The following ZBTB20 variants were observed in gnomAD, a reference collection of about 807,000 sequenced individuals.
The protein encoded by ZBTB20 is zinc finger and BTB domain-containing protein 20.
Under a neutral mutation model 56.9 loss-of-function variants are expected in ZBTB20, and 9 were observed. That is an observed-to-expected ratio of 0.16 (90% confidence interval 0.10 to 0.28). The LOEUF is 0.28. ZBTB20 is among the 10% of genes least tolerant of loss of function. The pLI is 1.00. For missense variants in ZBTB20, 655 were observed against 1,003.0 expected (o/e 0.65, Z 4.69); for synonymous variants, 417 against 420.7 (o/e 0.99, Z 0.11).
chr3:114,662,933 T>C (rs527566286), intron 6 of ZBTB20, among the ~76,000 whole-genome samples: 3 of 151,570 alleles, frequency 2.0e-5, no homozygotes, highest in Non-Finnish European at 2.9e-5. Flanking sequence ...GAAAGTGATG[T>C]GGAGAATGGA....
intron 5 of ZBTB20, among the ~76,000 whole-genome samples, chr3:114,749,116 T>C (rs2067347494): frequency 6.6e-6 from 1 of 152,188 alleles, no homozygotes; most frequent in Non-Finnish European, 1.5e-5. Context: ...GACAATAACA[T>C]GTCCTCCAAA....
chr3:114,704,346 T>G (rs2063580718), intron 5 of ZBTB20, among the ~76,000 whole-genome samples: 1 of 152,036 alleles, frequency 6.6e-6, no homozygotes, highest in Non-Finnish European at 1.5e-5. Context: ...ACAGTGCATC[T>G]GTTTCTCATA....
chr3:115,087,466 G>C (rs1446117779), intron 1 of ZBTB20, among the ~76,000 whole-genome samples: 1 of 151,776 alleles, frequency 6.6e-6, no homozygotes, highest in Non-Finnish European at 1.5e-5. Flanking sequence ...TTAATAACTA[G>C]CCTCTACACC....
At chr3:114,385,251 C>G (rs533528920) in intron 8 of ZBTB20, among the ~76,000 whole-genome samples, 1 of 152,256 alleles carries the variant, frequency 6.6e-6, no homozygotes, top group South Asian at 2.1e-4. Context: ...TTTTCCCCAA[C>G]AATACATTAA....
At chr3:114,734,966 T>C (rs990441307) in intron 5 of ZBTB20, among the ~76,000 whole-genome samples, 8 of 151,414 alleles carry the variant, frequency 5.3e-5, no homozygotes, top group South Asian at 4.2e-4. Flanking sequence ...AGAAAACTTA[T>C]GCAGATATGG....
Position 114,927,328 on chromosome 3 carries a change from C to T in ZBTB20, c.-455-26986G>A, listed in dbSNP as rs150709802. On this transcript the variant is annotated intron_variant, in intron 3 of 11. Coordinates refer to ENST00000675478, the MANE Select transcript of ZBTB20 (RefSeq NM_001348800.3). ...TCATCTTACATATGTTGATTGATGTCTCATGCCTCCCTAAAATGTATAAAA... is the reference window on the plus strand; with the variant it reads ...TCATCTTACATATGTTGATTGATGTTTCATGCCTCCCTAAAATGTATAAAA... Among the ~76,000 whole-genome samples, 380 of 152,294 alleles carry T rather than the reference C, an allele frequency of 2.5e-3. 2 individuals are homozygous for T. The highest frequency in any genetic ancestry group is 9.0e-3 in the African/African-American group (373 of 41,550).
intron 6 of ZBTB20, among the ~76,000 whole-genome samples, chr3:114,532,992 A>C (rs959203251): frequency 1.5e-4 from 23 of 152,228 alleles, no homozygotes; most frequent in African/African-American, 5.1e-4. Flanking sequence ...GAAGATCACC[A>C]GCGTCAAAGA....
chr3:114,613,220 C>T (rs560442288), intron 6 of ZBTB20, among the ~76,000 whole-genome samples: 1 of 152,038 alleles, frequency 6.6e-6, no homozygotes, highest in East Asian at 1.9e-4. Context: ...GGCAAGAAGA[C>T]AAAAATAATT....
chr3:114,470,944 C>T (rs2040055441), intron 7 of ZBTB20, among the ~76,000 whole-genome samples: 2 of 152,152 alleles, frequency 1.3e-5, no homozygotes, highest in Admixed American at 1.3e-4. Flanking sequence ...TCTCTGATCT[C>T]CTGGAGCAGA....
At chr3:114,848,204 C>T (rs1023910234) in intron 4 of ZBTB20, among the ~76,000 whole-genome samples, 1 of 152,108 alleles carries the variant, frequency 6.6e-6, no homozygotes. Flanking sequence ...TAGACTGATG[C>T]CTCCATGCCA....
At chr3:115,064,649 A>C (rs1204597894) in intron 2 of ZBTB20, among the ~76,000 whole-genome samples, 2 of 151,738 alleles carry the variant, frequency 1.3e-5, no homozygotes, top group East Asian at 3.9e-4. Context: ...AGGTTTCACC[A>C]TGTTGGTCAG....
chr3:115,023,570 T>C (rs950003355), intron 2 of ZBTB20, among the ~76,000 whole-genome samples: 3 of 150,990 alleles, frequency 2.0e-5, no homozygotes, highest in African/African-American at 7.3e-5. Flanking sequence ...AAATATGCTA[T>C]ACTTCTCTTT....
At chr3:114,490,862 A>C (rs2042672432) in intron 7 of ZBTB20, among the ~76,000 whole-genome samples, 1 of 152,194 alleles carries the variant, frequency 6.6e-6, no homozygotes, top group Non-Finnish European at 1.5e-5. Flanking sequence ...CAAAACACAA[A>C]AACAAACTGG....
chr3:114,437,904 G>C (rs967118154), intron 7 of ZBTB20, among the ~76,000 whole-genome samples: 5 of 152,076 alleles, frequency 3.3e-5, no homozygotes, highest in African/African-American at 1.2e-4. Context: ...CAAACTGTCA[G>C]TGTGGACAGG....
In ZBTB20 at chr3:114,338,324, A is replaced by G. The variant is rs2079530640; in HGVS notation, c.*681T>C. 6.6e-6 allele frequency: 1 copy of G among 152,108 alleles called. No homozygotes were observed. The highest frequency in any genetic ancestry group is 1.5e-5 in the Non-Finnish European group (1 of 68,068). 9.4% of individuals were successfully genotyped at this position (152,108 alleles called of 1,614,324 possible). A position where few individuals can be genotyped will look rare whatever the true frequency, so the allele number is the denominator to read the frequency against. On this transcript the variant is annotated 3_prime_UTR_variant, in exon 12 of 12. Transcript: ENST00000675478. ...TCTGCTGCAAGAGGGGGATATGGAG[A>G]AGGTGGGCCAGGGTGTGTGGACCCG...
chr3:114,667,959 A>G (rs561653174), intron 6 of ZBTB20, among the ~76,000 whole-genome samples: 1 of 152,034 alleles, frequency 6.6e-6, no homozygotes, highest in African/African-American at 2.4e-5. Flanking sequence ...ATAAAATGCT[A>G]TAAGACTCTG....
chr3:114,422,447 T>C lies in ZBTB20; in HGVS notation c.-254-33342A>G, dbSNP rs188900830. Among the ~76,000 whole-genome samples, 161 of 152,188 alleles carry C rather than the reference T, an allele frequency of 1.1e-3. 1 individual carries two copies. The highest frequency in any genetic ancestry group is 6.0e-3 in the Admixed American group (91 of 15,288). On this transcript the variant is annotated intron_variant, in intron 7 of 11. Coordinates refer to ENST00000675478, the MANE Select transcript of ZBTB20 (RefSeq NM_001348800.3). ...TTACCCGCCTTACATGAATTTGACA[T>C]GGAATATGAATTTTCCCTCAATTCA...
chr3:114,544,753 C>G (rs1369647834), intron 6 of ZBTB20, among the ~76,000 whole-genome samples: 1 of 152,056 alleles, frequency 6.6e-6, no homozygotes, highest in Non-Finnish European at 1.5e-5. Flanking sequence ...AATCCACATG[C>G]CTTGGCCTCC....
chr3:114,522,115 T>C (rs2046708475), intron 6 of ZBTB20, among the ~76,000 whole-genome samples: 1 of 152,132 alleles, frequency 6.6e-6, no homozygotes, highest in South Asian at 2.1e-4. Flanking sequence ...ATAAAATATA[T>C]ATTTTGTCTG....
Sources: allele counts gnomAD v4.1 joint callset (sites outside exome capture counted in the v4.1 genomes callset), GRCh38; gene constraint gnomAD v4.1.1; transcripts MANE v1.5; gene names NCBI Gene and HGNC (gene_info 2026-07-23, HGNC 2026-07-21).